The following BLTP3B variants were observed in gnomAD, a reference collection of about 807,000 sequenced individuals.
The protein encoded by BLTP3B is bridge-like lipid transfer protein family member 3B.
the BLTP3B span, chr12:100,072,791 C>T: frequency 1.6e-5 from 26 of 1,598,364 alleles, no homozygotes; most frequent in African/African-American, 5.4e-5. Flanking sequence ...GGGGGAAGAA[C>T]GACATTGTTC....
chr12:100,103,869 G>GTA, the BLTP3B span: 6 of 1,466,712 alleles, frequency 4.1e-6, no homozygotes, highest in Middle Eastern at 3.6e-4. Context: ...GCTAGATAAT[G>GTA]TATATATATA....
At chr12:100,119,973 C>T in the BLTP3B span, among the ~76,000 whole-genome samples, 6 of 152,178 alleles carry the variant, frequency 3.9e-5, no homozygotes, top group Admixed American at 6.5e-5. Context: ...ACTGTAACTA[C>T]AGGGCAACCA....
the BLTP3B span, among the ~76,000 whole-genome samples, chr12:100,130,573 CCT>C: frequency 0.042 from 6,326 of 152,140 alleles, 276 homozygotes; most frequent in African/African-American, 0.11. Flanking sequence ...TATGGATGCC[CCT>C]CTTTATAGTG....
the BLTP3B span, among the ~76,000 whole-genome samples, chr12:100,038,370 T>G: frequency 6.6e-6 from 1 of 152,116 alleles, no homozygotes; most frequent in Non-Finnish European, 1.5e-5. Flanking sequence ...AATTTCGCTC[T>G]TGTTGCCCAG....
the BLTP3B span, chr12:100,039,686 G>A: frequency 6.2e-7 from 1 of 1,614,104 alleles, no homozygotes; most frequent in Non-Finnish European, 8.5e-7. Context: ...TGGCTTGCGT[G>A]ACACTGCGTT....
the BLTP3B span, among the ~76,000 whole-genome samples, chr12:100,114,476 T>C: frequency 1.3e-5 from 2 of 152,244 alleles, no homozygotes; most frequent in African/African-American, 2.4e-5. Context: ...GAACCAGTAA[T>C]TGACATCACT....
the BLTP3B span, among the ~76,000 whole-genome samples, chr12:100,065,177 T>C: frequency 6.6e-6 from 1 of 152,184 alleles, no homozygotes; most frequent in African/African-American, 2.4e-5. Context: ...CTTACTTTAA[T>C]CTCTTAATCC....
the BLTP3B span, among the ~76,000 whole-genome samples, chr12:100,112,376 A>G: frequency 6.6e-6 from 1 of 152,154 alleles, no homozygotes; most frequent in Non-Finnish European, 1.5e-5. Flanking sequence ...GCATAGTGGA[A>G]CACTCCTGTA....
the BLTP3B span, among the ~76,000 whole-genome samples, chr12:100,092,255 C>T: frequency 8.8e-4 from 134 of 152,310 alleles, no homozygotes; most frequent in Non-Finnish European, 1.5e-3. Flanking sequence ...CTTTCTGACA[C>T]GTTGTCTTGG....
chr12:100,114,496 C>T, the BLTP3B span, among the ~76,000 whole-genome samples: 2 of 152,136 alleles, frequency 1.3e-5, no homozygotes, highest in Non-Finnish European at 2.9e-5. Flanking sequence ...TAGCTAGTAT[C>T]CCAAGACTGT....
At chr12:100,079,223 G>C in the BLTP3B span, among the ~76,000 whole-genome samples, 15 of 152,302 alleles carry the variant, frequency 9.8e-5, no homozygotes, top group East Asian at 1.5e-3. Flanking sequence ...CTGGGTAACA[G>C]GCAGAGGTTG....
the BLTP3B span, among the ~76,000 whole-genome samples, chr12:100,131,030 AGAG>A: frequency 7.9e-6 from 1 of 126,260 alleles, no homozygotes; most frequent in East Asian, 2.1e-4. Flanking sequence ...AGAGAGAGAG[AGAG>A]AAAGAGTTTT....
the BLTP3B span, among the ~76,000 whole-genome samples, chr12:100,126,199 A>C: frequency 1.3e-5 from 2 of 152,228 alleles, no homozygotes; most frequent in Admixed American, 1.3e-4. Flanking sequence ...CAAGTGAATA[A>C]GGCAGAGAGA....
At chr12:100,097,469 T>G in the BLTP3B span, 6,601 of 1,612,166 alleles carry the variant, frequency 4.1e-3, 24 homozygotes, top group Non-Finnish European at 5.1e-3. Context: ...GCCTCTATTC[T>G]TATCATCTGC....
chr12:100,039,474 G>C, the BLTP3B span: 1 of 1,044,546 alleles, frequency 9.6e-7, no homozygotes, highest in South Asian at 2.0e-5. Context: ...CAAAGCACCT[G>C]GGCACAATAA....
the BLTP3B span, among the ~76,000 whole-genome samples, chr12:100,091,468 G>A: frequency 7.9e-5 from 12 of 151,404 alleles, no homozygotes; most frequent in Non-Finnish European, 1.5e-4. Context: ...GATTTCAGGC[G>A]TGAGCCACAG....
chr12:100,138,313 T>C, the BLTP3B span, among the ~76,000 whole-genome samples: 4 of 152,232 alleles, frequency 2.6e-5, no homozygotes, highest in African/African-American at 9.6e-5. Flanking sequence ...CCCTTTTTAC[T>C]TAAATAGATC....
At chr12:100,058,065 G>C in the BLTP3B span, 2 of 1,584,118 alleles carry the variant, frequency 1.3e-6, no homozygotes, top group Non-Finnish European at 8.5e-7. Flanking sequence ...TCTAACTGGG[G>C]GGGTCTCTTC....
the BLTP3B span, among the ~76,000 whole-genome samples, chr12:100,087,824 T>C: frequency 0.063 from 9,564 of 152,314 alleles, 330 homozygotes; most frequent in Middle Eastern, 0.14. Flanking sequence ...GAAAACACTT[T>C]CTCCATTCTC....
Sources: allele counts gnomAD v4.1 joint callset (sites outside exome capture counted in the v4.1 genomes callset), GRCh38; gene constraint gnomAD v4.1.1; transcripts MANE v1.5; gene names NCBI Gene and HGNC (gene_info 2026-07-23, HGNC 2026-07-21).